The following SCN4A variants were observed in gnomAD, a reference collection of about 807,000 sequenced individuals.
The protein encoded by SCN4A is sodium voltage-gated channel alpha subunit 4.
A neutral mutation model predicts 162.0 loss-of-function variants in SCN4A; 83 were observed. That is an observed-to-expected ratio of 0.51 (90% confidence interval 0.43 to 0.61). SCN4A has a LOEUF of 0.61. Among genes scored for constraint, SCN4A ranks in the 20% least tolerant of loss-of-function variants. SCN4A has a pLI of 0.00. For missense variants in SCN4A, 2,196 were observed against 2,462.5 expected, an observed-to-expected ratio of 0.89 and a Z score of 2.29; for synonymous variants, 944 against 985.1, an observed-to-expected ratio of 0.96 and a Z score of 0.78.
chr17:63,966,359 G>A lies in SCN4A; in HGVS notation c.1101-116C>T. 4.2e-6 allele frequency: 6 copies of A among 1,417,834 alleles called. No individual in the cohort carries two copies. The Admixed American group carries it at 1.1e-4, about 26-fold the overall frequency. The allele number at this position is 1,417,834 out of a possible 1,614,324, so 87.8% of individuals were successfully genotyped here. A position where few individuals can be genotyped will look rare whatever the true frequency, so the allele number is the denominator to read the frequency against. ...CTGCCTGTGTCCCCCAAACAGAAAA[G>A]TATTCCATCCATGCCCACAGGTTTC... On this transcript the variant is annotated intron_variant, in intron 7 of 23. Transcript: ENST00000435607.
chr17:63,953,033 T>C (rs562288198), intron 13 of SCN4A, among the ~76,000 whole-genome samples: 8 of 152,288 alleles, frequency 5.3e-5, no homozygotes, highest in Non-Finnish European at 8.8e-5. Context: ...AAGGAGATTA[T>C]CCAAGTGTTC....
At chr17:63,947,793 C>T (rs772955212) in intron 17 of SCN4A, 97 bp downstream of exon 17, 55 of 1,264,594 alleles carry the variant, frequency 4.3e-5, no homozygotes, top group Non-Finnish European at 5.7e-5. Flanking sequence ...GGGGTGGCCT[C>T]GGGCAGGTCC....
chr17:63,964,700 T>G (rs769595089), intron 8 of SCN4A, 23 bp from the exon 9 acceptor site: 4 of 1,580,120 alleles, frequency 2.5e-6, no homozygotes, highest in Non-Finnish European at 3.4e-6. Context: ...GGAGAGGGAG[T>G]GGAGGGGTCC....
intron 18 of SCN4A, 43 bp downstream of exon 18, chr17:63,947,002 T>TCCCCCCAACCCCCCC: frequency 6.9e-7 from 1 of 1,449,436 alleles, no homozygotes; most frequent in Non-Finnish European, 9.5e-7. Flanking sequence ...AGGTGGCCGG[T>TCCCCCCAACCCCCCC]CCCCCATCCC....
At chr17:63,953,526 T>G (rs1908978221) in intron 13 of SCN4A, among the ~76,000 whole-genome samples, 1 of 142,890 alleles carries the variant, frequency 7.0e-6, no homozygotes, top group East Asian at 2.1e-4. Context: ...GTACTAAAAA[T>G]ACAAAAATTA....
chr17:63,972,665 C>A lies in SCN4A; in HGVS notation c.177G>T (p.Glu59Asp), dbSNP rs199752895. 2 of 1,613,356 alleles carry A rather than the reference C, an allele frequency of 1.2e-6. No homozygotes were observed. The highest frequency in any genetic ancestry group is 1.3e-5 in the African/African-American group (1 of 75,028). The change falls in exon 1 of 24, where the codon GAG (glutamate) becomes GAT (aspartate). Residue 59 changes from glutamate (E) to aspartate (D), a missense_variant. Physicochemically the swap from Glu to Asp is conservative, Grantham distance 45. Coordinates refer to ENST00000435607, the MANE Select transcript of SCN4A (RefSeq NM_000334.4). This position sits in a 1 kb window ranked among gnomAD's most constrained non-coding sequence, Gnocchi z 4.3. Reference protein sequence around the residue: ...EPERKPRSDLEAGKNLPMIYG... With the variant: ...EPERKPRSDLDAGKNLPMIYG... ...AGATCATGGGTAGGTTCTTGCCAGC[C>A]TCCAAGTCACTTCGTGGCTTCCGTT... is the stretch of plus-strand genomic sequence containing the variant.
intron 13 of SCN4A, among the ~76,000 whole-genome samples, chr17:63,953,703 A>G (rs1381338190): frequency 1.3e-5 from 2 of 151,860 alleles, no homozygotes; most frequent in Admixed American, 6.6e-5. Flanking sequence ...AAAAAAGAAA[A>G]AGAAAAAGAA....
At chr17:63,947,281 C>T in intron 17 of SCN4A, 114 bp from the exon 18 acceptor site, 1 of 1,363,682 alleles carries the variant, frequency 7.3e-7, no homozygotes, top group Non-Finnish European at 1.0e-6. Flanking sequence ...CTTAGATCCC[C>T]TCCCTAGTGG....
rs965578017 is a variant in SCN4A at position 63,948,706 on chromosome 17, A to T, written c.3049T>A (p.Trp1017Arg). 1.2e-6 allele frequency: 2 copies of T among 1,613,320 alleles called. No homozygotes were observed. Among genetic ancestry groups the T allele is most frequent in the Non-Finnish European group, 1.7e-6 (2 of 1,179,622 alleles). Residue 1017 changes from tryptophan (W) to arginine (R), a missense_variant, in exon 16 of 24, where the codon TGG becomes AGG. Physicochemically the swap from Trp to Arg is moderately radical, Grantham distance 101. Transcript: ENST00000435607. Reference sequence around the variant, plus strand: ...AAGCAGGCCCTGCGCAGAGTCCACCACTTCTTCCCACGGCCCTGGGAGATG... The same window carrying T: ...AAGCAGGCCCTGCGCAGAGTCCACCTCTTCTTCCCACGGCCCTGGGAGATG... ...VDISQGRGKK[W>R]WTLRRACFKI...
Position 63,942,102 on chromosome 17 carries a change from C to A in SCN4A, c.4289-109G>T, listed in dbSNP as rs910979504. 7.4e-6 allele frequency: 8 copies of A among 1,076,558 alleles called. No individual in the cohort carries two copies. In the Admixed American group the frequency reaches 1.2e-4, roughly 16 times the overall value. The allele number at this position is 1,076,558 out of a possible 1,614,324, so 66.7% of individuals were successfully genotyped here. A position where few individuals can be genotyped will look rare whatever the true frequency, so the allele number is the denominator to read the frequency against. ...CCGGCCTGGTGTGCTCTGCTCAAGT[C>A]TCAGAGCACAGCCCAGATGACTGAC... On this transcript the variant is annotated intron_variant, in intron 23 of 23. Coordinates refer to ENST00000435607, the MANE Select transcript of SCN4A (RefSeq NM_000334.4).
At chr17:63,961,152 C>A in intron 11 of SCN4A, 41 bp downstream of exon 11, 1 of 1,132,212 alleles carries the variant, frequency 8.8e-7, no homozygotes, top group Non-Finnish European at 1.3e-6. Context: ...TACCCCCTCC[C>A]ATCCTGCCCA....
intron 12 of SCN4A, among the ~76,000 whole-genome samples, chr17:63,958,016 A>G (rs1019252657): frequency 2.6e-5 from 4 of 151,100 alleles, no homozygotes; most frequent in South Asian, 2.1e-4. Context: ...AAAAAAAAAA[A>G]AAAGAAAAAG....
chr17:63,971,513 C>T (rs1386730297), intron 4 of SCN4A, among the ~76,000 whole-genome samples: 1 of 152,222 alleles, frequency 6.6e-6, no homozygotes, highest in East Asian at 1.9e-4. Flanking sequence ...GTCTGTGGGT[C>T]AGGGCTGCCT....
rs115109818 is a variant in SCN4A at position 63,957,012 on chromosome 17, C to T, written c.2376+150G>A. 3.2e-4 allele frequency: 193 copies of T among 597,632 alleles called. 1 individual carries two copies. In the African/African-American group the frequency reaches 3.3e-3, roughly 10 times the overall value. The allele number at this position is 597,632 out of a possible 1,614,324, so 37.0% of individuals were successfully genotyped here. A position where few individuals can be genotyped will look rare whatever the true frequency, so the allele number is the denominator to read the frequency against. On this transcript the variant is annotated intron_variant, in intron 13 of 23. Coordinates refer to ENST00000435607, the MANE Select transcript of SCN4A (RefSeq NM_000334.4). The stretch of plus-strand genomic sequence containing the variant: ...AAGTAACTCCTAAGTGATTCTTACA[C>T]AGGTTAAAATTTGAGAACTACGGGG...
chr17:63,953,287 G>A (rs1473651588), intron 13 of SCN4A, among the ~76,000 whole-genome samples: 2 of 151,948 alleles, frequency 1.3e-5, no homozygotes, highest in Non-Finnish European at 2.9e-5. Flanking sequence ...TTGAACCCGG[G>A]AGGTGGAGGT....
chr17:63,940,886 C>T lies in SCN4A; in HGVS notation c.5396G>A (p.Gly1799Glu). Residue 1799 changes from glycine (G) to glutamate (E), a missense_variant, in exon 24 of 24, where the codon GGG becomes GAG. Coordinates refer to ENST00000435607, the MANE Select transcript of SCN4A (RefSeq NM_000334.4). ...SPSPEEKGEA[G>E]DAGPTMGLMP... is the part of the protein sequence containing the mutation. ...CAGCCCCATAGTGGGTCCGGCGTCC[C>T]CTGCCTCGCCCTTCTCCTCCGGGCT... 1 of 1,613,882 alleles carries T rather than the reference C, an allele frequency of 6.2e-7. No individual in the cohort carries two copies. The highest frequency in any genetic ancestry group is 8.5e-7 in the Non-Finnish European group (1 of 1,179,872).
chr17:63,955,216 T>C (rs1909035504), intron 13 of SCN4A, among the ~76,000 whole-genome samples: 1 of 151,932 alleles, frequency 6.6e-6, no homozygotes, highest in Admixed American at 6.6e-5. Flanking sequence ...TCCTCGAGAG[T>C]GTGGAAATAA....
Position 63,950,080 on chromosome 17 carries a change from G to C in SCN4A, c.2854-552C>G, listed in dbSNP as rs73326338. Among the ~76,000 whole-genome samples, 2 of 152,234 alleles carry C rather than the reference G, an allele frequency of 1.3e-5. No individual in the cohort carries two copies. The highest frequency in any genetic ancestry group is 2.1e-4 in the South Asian group (1 of 4,822). ...CCTGATCAGTGTTGGGAGCGGGAGT[G>C]GGGGAGGCGGGTGCTCCAGCCGGGC... On this transcript the variant is annotated intron_variant, in intron 14 of 23. Coordinates refer to ENST00000435607, the MANE Select transcript of SCN4A (RefSeq NM_000334.4). This position sits in a 1 kb window ranked among gnomAD's most constrained non-coding sequence, Gnocchi z 4.6.
At chr17:63,971,365 C>A (rs941820260) in intron 4 of SCN4A, 112 bp from the exon 5 acceptor site, 2 of 705,748 alleles carry the variant, frequency 2.8e-6, no homozygotes, top group East Asian at 2.7e-5. Flanking sequence ...ATTGGGGGTA[C>A]CACAGGGTCT....
Sources: gnomAD v4.1 joint callset for allele counts (sites outside exome capture counted in the v4.1 genomes callset) on GRCh38, gnomAD v4.1.1 for gene constraint, Gnocchi (gnomAD v3.1) non-coding constraint, MANE v1.5 for transcripts, NCBI Gene and HGNC (gene_info 2026-07-23, HGNC 2026-07-21) for gene names.